Variants in LAPTM4B observed in about 807,000 individuals in gnomAD.
LAPTM4B encodes lysosomal protein transmembrane 4 beta.
Under a neutral mutation model 28.5 loss-of-function variants are expected in LAPTM4B, and 26 were observed. The observed-to-expected ratio is 0.91, with a 90% CI of 0.67 to 1.27. The LOEUF (loss-of-function observed/expected upper bound fraction) is 1.27. LAPTM4B is among the 50% of genes most tolerant of loss of function. LAPTM4B has a pLI of 0.00. For missense variants in LAPTM4B, 288 were observed against 285.8 expected, an observed-to-expected ratio of 1.01 and a Z score of -0.06; for synonymous variants, 109 against 106.4, an observed-to-expected ratio of 1.02 and a Z score of -0.15.
chr8:97,805,118 T>C (rs1224770783), intron 1 of LAPTM4B, among the ~76,000 whole-genome samples: 1 of 152,162 alleles, frequency 6.6e-6, no homozygotes, highest in Non-Finnish European at 1.5e-5. Flanking sequence ...AATCCTGCTG[T>C]TGTCTTCACT....
At chr8:97,794,299 AT>A (rs1816548981) in intron 1 of LAPTM4B, among the ~76,000 whole-genome samples, 1 of 152,056 alleles carries the variant, frequency 6.6e-6, no homozygotes. Context: ...CTAATTTAAA[AT>A]TTTTTAATAA....
At position 97,775,908 on chromosome 8, in the gene LAPTM4B, G is replaced by A; in HGVS notation, c.-102G>A. 1 of 1,456,038 alleles carries A rather than the reference G, an allele frequency of 6.9e-7. No individual in the cohort carries two copies. Among genetic ancestry groups the A allele is most frequent in the Non-Finnish European group, 9.0e-7 (1 of 1,112,800 alleles). 90.2% of individuals were successfully genotyped at this position (1,456,038 alleles called of 1,614,324 possible). On this transcript the variant is annotated 5_prime_UTR_variant, in exon 1 of 7. Coordinates refer to ENST00000521545, the MANE Select transcript of LAPTM4B (RefSeq NM_018407.6). ...GCACGGGCGAGCGGGCCGGGAGCCG[G>A]AGCGGCGGAGGAGCCGGCAGCAGCG... is the stretch of plus-strand genomic sequence containing the variant.
At chr8:97,844,899 T>C (rs1293865360) in intron 6 of LAPTM4B, among the ~76,000 whole-genome samples, 1 of 152,190 alleles carries the variant, frequency 6.6e-6, no homozygotes. Context: ...ATGATTATCT[T>C]TTTATTTTTA....
At chr8:97,833,323 A>C (rs1817213303) in intron 6 of LAPTM4B, among the ~76,000 whole-genome samples, 1 of 152,166 alleles carries the variant, frequency 6.6e-6, no homozygotes, top group Admixed American at 6.5e-5. Flanking sequence ...ATTGCATTCC[A>C]GCCCAGGAAA....
chr8:97,811,484 C>T (rs1382266065), intron 2 of LAPTM4B, among the ~76,000 whole-genome samples: 1 of 152,074 alleles, frequency 6.6e-6, no homozygotes, highest in Non-Finnish European at 1.5e-5. Context: ...TGTGTGTATG[C>T]TTATATATGT....
chr8:97,816,130 A>G lies in LAPTM4B; in HGVS notation c.358A>G (p.Ile120Val). The G allele has an allele frequency of 7.4e-6, 12 of 1,613,950 alleles. No homozygotes were observed. The highest frequency in any genetic ancestry group is 1.0e-5 in the Non-Finnish European group (12 of 1,179,918). ...FDFALNMLVA[I>V]TVLIYPNSIQ... ...CTTTGCCCTGAACATGTTGGTTGCAATCACTGTGCTTATTTATCCAAACTC... is the reference window on the plus strand; with the variant it reads ...CTTTGCCCTGAACATGTTGGTTGCAGTCACTGTGCTTATTTATCCAAACTC... Residue 120 changes from isoleucine to valine, a missense_variant, in exon 4 of 7, where the codon ATC (isoleucine) becomes GTC (valine). By Grantham distance (29) the Ile-to-Val change is conservative. Coordinates refer to ENST00000521545, the MANE Select transcript of LAPTM4B (RefSeq NM_018407.6).
At chr8:97,843,767 C>T (rs1375045553) in intron 6 of LAPTM4B, among the ~76,000 whole-genome samples, 1 of 147,738 alleles carries the variant, frequency 6.8e-6, no homozygotes, top group Non-Finnish European at 1.5e-5. Context: ...GCAACAAGAG[C>T]GAAACTCCAT....
At chr8:97,797,280 A>G (rs1816604743) in intron 1 of LAPTM4B, among the ~76,000 whole-genome samples, 1 of 151,984 alleles carries the variant, frequency 6.6e-6, no homozygotes, top group Non-Finnish European at 1.5e-5. Flanking sequence ...GATTACAGAC[A>G]TGCGCCACCA....
At chr8:97,849,341 A>G (rs1483787313) in intron 6 of LAPTM4B, among the ~76,000 whole-genome samples, 3 of 152,174 alleles carry the variant, frequency 2.0e-5, no homozygotes, top group African/African-American at 7.2e-5. Flanking sequence ...ACAGACAGTG[A>G]CATGTTTTCA....
At chr8:97,827,347 G>A (rs543460117) in intron 6 of LAPTM4B, among the ~76,000 whole-genome samples, 9 of 152,276 alleles carry the variant, frequency 5.9e-5, no homozygotes, top group African/African-American at 2.2e-4. Context: ...ACTGTCCTTA[G>A]GAATGCTGAA....
At chr8:97,849,314 A>G (rs986090894) in intron 6 of LAPTM4B, among the ~76,000 whole-genome samples, 14 of 152,122 alleles carry the variant, frequency 9.2e-5, no homozygotes, top group Non-Finnish European at 1.5e-5. Context: ...GCCTTCTGCT[A>G]GATTGCAGGC....
At chr8:97,819,019 C>T in intron 4 of LAPTM4B, 121 bp from the exon 5 acceptor site, 1 of 659,884 alleles carries the variant, frequency 1.5e-6, no homozygotes, top group Non-Finnish European at 2.7e-6. Context: ...TGTATTGGTT[C>T]TAAATAATAG....
At chr8:97,800,946 T>A (rs1816666754) in intron 1 of LAPTM4B, among the ~76,000 whole-genome samples, 2 of 151,888 alleles carry the variant, frequency 1.3e-5, no homozygotes, top group African/African-American at 4.8e-5. Context: ...ACACCCCATC[T>A]CTAATTAAAA....
intron 6 of LAPTM4B, among the ~76,000 whole-genome samples, chr8:97,840,928 G>A (rs1176430465): frequency 6.7e-6 from 1 of 148,722 alleles, no homozygotes; most frequent in East Asian, 2.1e-4. Context: ...GCCGGGCGGA[G>A]GCCCTCATCA....
intron 5 of LAPTM4B, among the ~76,000 whole-genome samples, chr8:97,823,758 C>G (rs1319430110): frequency 1.3e-5 from 2 of 149,396 alleles, no homozygotes; most frequent in African/African-American, 5.0e-5. Context: ...AATGCAGTGG[C>G]ACGATCTTGG....
rs558599554 is a variant in LAPTM4B, at chr8:97,825,193, C to A, written c.603+40C>A. ...ACTTATGGTAGAGATCTCGCCCACA[C>A]CTTTACTGTATGCTGATCTTTAAGT... On this transcript the variant is annotated intron_variant, in intron 6 of 6. Coordinates refer to ENST00000521545, the MANE Select transcript of LAPTM4B (RefSeq NM_018407.6). 11 of 1,040,206 alleles carry A rather than the reference C, an allele frequency of 1.1e-5. No homozygotes were observed. The Middle Eastern group carries it at 6.0e-4, about 57-fold the overall frequency. 64.4% of individuals were successfully genotyped at this position (1,040,206 alleles called of 1,614,324 possible). A position where few individuals can be genotyped will look rare whatever the true frequency, so the allele number is the denominator to read the frequency against.
chr8:97,800,573 G>A (rs4735491), intron 1 of LAPTM4B, among the ~76,000 whole-genome samples: 5 of 143,164 alleles, frequency 3.5e-5, no homozygotes, highest in South Asian at 4.5e-4. Flanking sequence ...CTCGGCTCAC[G>A]GTAACCTCCG....
intron 6 of LAPTM4B, among the ~76,000 whole-genome samples, chr8:97,828,155 A>C (rs1817122084): frequency 6.6e-6 from 1 of 152,176 alleles, no homozygotes; most frequent in African/African-American, 2.4e-5. Flanking sequence ...GGAAAAACAA[A>C]AATGAGAAAG....
At chr8:97,793,504 A>G (rs1451882314) in intron 1 of LAPTM4B, among the ~76,000 whole-genome samples, 1 of 152,206 alleles carries the variant, frequency 6.6e-6, no homozygotes, top group African/African-American at 2.4e-5. Context: ...AGTATTGTCT[A>G]TTTCAGAAAA....
Sources: allele counts gnomAD v4.1 joint callset (sites outside exome capture counted in the v4.1 genomes callset), GRCh38; gene constraint gnomAD v4.1.1; transcripts MANE v1.5; gene names NCBI Gene and HGNC (gene_info 2026-07-23, HGNC 2026-07-21).